Variants in ARHGEF3 observed in about 807,000 individuals in gnomAD.
ARHGEF3 encodes Rho guanine nucleotide exchange factor 3, also known as 59.8 kDA protein.
A neutral mutation model predicts 63.2 loss-of-function variants in ARHGEF3; 28 were observed. That is an observed-to-expected ratio of 0.44 (90% CI 0.33 to 0.61). The LOEUF is 0.61. Ranked by LOEUF, ARHGEF3 falls within the 20% of genes least tolerant of loss-of-function variation. The pLI is 0.03. For synonymous variants in ARHGEF3, 266 were observed against 254.2 expected (o/e 1.05, Z -0.44); for missense variants, 533 against 659.3 (o/e 0.81, Z 2.10).
At chr3:57,022,778 G>A (rs989336967) in intron 2 of ARHGEF3, among the ~76,000 whole-genome samples, 4 of 151,944 alleles carry the variant, frequency 2.6e-5, no homozygotes, top group African/African-American at 9.7e-5. Flanking sequence ...TATCTTTCAA[G>A]ACATGACTCG....
chr3:56,975,534 A>C (rs1258373236), intron 2 of ARHGEF3, among the ~76,000 whole-genome samples: 1 of 152,206 alleles, frequency 6.6e-6, no homozygotes, highest in Non-Finnish European at 1.5e-5. Context: ...TTTTGTCCTC[A>C]AAAAACTTTT....
At position 57,050,773 on chromosome 3, in the gene ARHGEF3, A is replaced by G. The variant is rs1326449435; in HGVS notation, c.-27-15597T>C. Among the ~76,000 whole-genome samples the G allele has an allele frequency of 2.0e-5, 3 of 152,264 alleles. No individual in the cohort carries two copies. The East Asian group carries it at 5.8e-4, about 29-fold the overall frequency. ...TGAAAGCCAGGGAGTAACACGATCA[A>G]CTTCACACATACAGTATTGATGGAA... On this transcript the variant is annotated intron_variant, in intron 1 of 12. Coordinates refer to the ARHGEF3 transcript ENST00000338458.
intron 2 of ARHGEF3, among the ~76,000 whole-genome samples, chr3:57,022,134 C>T (rs1480820139): frequency 3.9e-5 from 6 of 152,032 alleles, no homozygotes; most frequent in African/African-American, 1.4e-4. Context: ...TTTAGCCGGG[C>T]ACGGTGGCAT....
intron 2 of ARHGEF3, among the ~76,000 whole-genome samples, chr3:57,014,087 C>A (rs753390557): frequency 6.6e-6 from 1 of 152,144 alleles, no homozygotes; most frequent in Non-Finnish European, 1.5e-5. Flanking sequence ...ACCACGAACC[C>A]GCCAGGAGGA....
chr3:56,949,463 A>T (rs1378859470), intron 3 of ARHGEF3, among the ~76,000 whole-genome samples: 2 of 152,060 alleles, frequency 1.3e-5, no homozygotes, highest in Non-Finnish European at 2.9e-5. Flanking sequence ...TGCAAAAATC[A>T]CAAGCATTCT....
chr3:56,862,776 A>C (rs1233857530), intron 4 of ARHGEF3, among the ~76,000 whole-genome samples: 5 of 152,198 alleles, frequency 3.3e-5, no homozygotes, highest in Non-Finnish European at 7.4e-5. Context: ...CTGCTGACAA[A>C]GGATTCCCAA....
intron 3 of ARHGEF3, among the ~76,000 whole-genome samples, chr3:56,949,310 T>C (rs1699682331): frequency 6.6e-6 from 1 of 151,886 alleles, no homozygotes; most frequent in Non-Finnish European, 1.5e-5. Context: ...AAATAAAGGC[T>C]ATTCAATTAG....
chr3:57,050,219 C>G (rs929472045), intron 1 of ARHGEF3, among the ~76,000 whole-genome samples: 3 of 152,246 alleles, frequency 2.0e-5, no homozygotes, highest in African/African-American at 7.2e-5. Context: ...GCCCAATCGG[C>G]CAAGTCATTC....
intron 3 of ARHGEF3, among the ~76,000 whole-genome samples, chr3:56,921,104 C>T (rs1256558424): frequency 6.8e-6 from 1 of 147,508 alleles, no homozygotes; most frequent in Non-Finnish European, 1.5e-5. Context: ...GTGGCTCACA[C>T]CTGTAATCCC....
intron 2 of ARHGEF3, among the ~76,000 whole-genome samples, chr3:56,980,640 T>C (rs4478052): frequency 0.68 from 103,643 of 152,148 alleles, 35,458 homozygotes; most frequent in Middle Eastern, 0.74. Context: ...GAATATTATG[T>C]CACTCTGTCT....
chr3:56,923,194 G>C (rs951662359), intron 3 of ARHGEF3, among the ~76,000 whole-genome samples: 1 of 151,130 alleles, frequency 6.6e-6, no homozygotes, highest in African/African-American at 2.4e-5. Flanking sequence ...TGCCACTCCA[G>C]CCTGGGCAAC....
intron 3 of ARHGEF3, among the ~76,000 whole-genome samples, chr3:56,908,625 G>T (rs1185136082): frequency 6.6e-6 from 1 of 152,148 alleles, no homozygotes; most frequent in East Asian, 1.9e-4. Flanking sequence ...CATCAGAATG[G>T]ACCCTGTATT....
intron 1 of ARHGEF3, among the ~76,000 whole-genome samples, chr3:57,050,732 C>T (rs1358120752): frequency 6.6e-6 from 1 of 152,218 alleles, no homozygotes; most frequent in Non-Finnish European, 1.5e-5. Flanking sequence ...CAACTGTGGT[C>T]AGCTGTGGAG....
chr3:56,740,583 G>A (rs1405756558), intron 7 of ARHGEF3, among the ~76,000 whole-genome samples: 2 of 152,142 alleles, frequency 1.3e-5, no homozygotes, highest in Non-Finnish European at 1.5e-5. Context: ...CATGTTAGAC[G>A]AAGTGGTAGC....
rs1703362953 is a variant in ARHGEF3, at chr3:57,023,907, T to A, written c.62+11181A>T. On this transcript the variant is annotated intron_variant, in intron 2 of 12. Coordinates refer to the ARHGEF3 transcript ENST00000338458. ...TCCTGTACTATAAGATTCACAAGAG[T>A]CGGCCTGTGCCATTCACAGCACCCA... 2.6e-5 allele frequency among the ~76,000 whole-genome samples: 4 copies of A among 152,106 alleles called. No individual in the cohort carries two copies. The South Asian group carries it at 8.3e-4, about 32-fold the overall frequency.
intron 2 of ARHGEF3, among the ~76,000 whole-genome samples, chr3:56,985,088 ATTTG>A (rs1701481676): frequency 1.1e-5 from 1 of 89,454 alleles, no homozygotes; most frequent in Non-Finnish European, 2.6e-5. Flanking sequence ...GAAACACATG[ATTTG>A]ATTTGATTTT....
chr3:56,769,182 C>A (rs1486273267), intron 2 of ARHGEF3, among the ~76,000 whole-genome samples: 1 of 152,218 alleles, frequency 6.6e-6, no homozygotes, highest in East Asian at 1.9e-4. Flanking sequence ...ATCATGAACA[C>A]AACATTCCAT....
chr3:56,803,485 AAAAAGAAAAG>A (rs139819365), upstream of ARHGEF3, among the ~76,000 whole-genome samples: 4 of 151,532 alleles, frequency 2.6e-5, no homozygotes, highest in Admixed American at 6.6e-5. Flanking sequence ...GGAAGAAAGG[AAAAAGAAAAG>A]AAAAGAAAAG....
intron 3 of ARHGEF3, among the ~76,000 whole-genome samples, chr3:56,953,587 C>T (rs1699911308): frequency 6.6e-6 from 1 of 152,172 alleles, no homozygotes; most frequent in South Asian, 2.1e-4. Flanking sequence ...CACCTGGCTC[C>T]CTGACTATGG....
Sources: allele counts gnomAD v4.1 joint callset (sites outside exome capture counted in the v4.1 genomes callset), GRCh38; gene constraint gnomAD v4.1.1; transcripts MANE v1.5; gene names NCBI Gene and HGNC (gene_info 2026-07-23, HGNC 2026-07-21).